CPS1: variants seen among roughly 807,000 people sequenced by gnomAD.
CPS1 encodes carbamoyl-phosphate synthase [ammonia], mitochondrial.
A neutral mutation model predicts 174.6 loss-of-function variants in CPS1; 109 were observed. The observed-to-expected ratio is 0.62, with a 90% CI of 0.53 to 0.73. The LOEUF is 0.73. CPS1 is among the 30% of genes least tolerant of loss of function. The probability of loss-of-function intolerance (pLI) is 0.00; values close to 1 mark genes in which losing one functional copy is unlikely to be tolerated. For synonymous variants in CPS1, 637 were observed against 632.0 expected (o/e 1.01, Z -0.12); for missense variants, 1,689 against 1,821.9 (o/e 0.93, Z 1.33).
chr2:210,532,326 G>T (rs1250633965), intron 1 of CPS1, among the ~76,000 whole-genome samples: 1 of 152,158 alleles, frequency 6.6e-6, no homozygotes. Context: ...GGAATGTGTT[G>T]CTTGGAATGT....
intron 1 of CPS1, among the ~76,000 whole-genome samples, chr2:210,478,747 A>G (rs1168894977): frequency 6.6e-6 from 1 of 152,196 alleles, no homozygotes; most frequent in Non-Finnish European, 1.5e-5. Flanking sequence ...TACCTCTTAT[A>G]TTTAAGTCTT....
chr2:210,515,494 T>C (rs1015677345), intron 1 of CPS1, among the ~76,000 whole-genome samples: 1 of 151,684 alleles, frequency 6.6e-6, no homozygotes, highest in Non-Finnish European at 1.5e-5. Context: ...TGTGTGTAGA[T>C]GTGTTCATAG....
chr2:210,500,549 C>T (rs912226503), intron 1 of CPS1, among the ~76,000 whole-genome samples: 20 of 152,242 alleles, frequency 1.3e-4, no homozygotes, highest in Middle Eastern at 6.8e-3. Flanking sequence ...CATGCAAGTC[C>T]GACATTCAAT....
chr2:210,634,938 T>C (rs1699999005), intron 21 of CPS1, among the ~76,000 whole-genome samples: 1 of 152,184 alleles, frequency 6.6e-6, no homozygotes, highest in Admixed American at 6.5e-5. Context: ...TTTATCTACA[T>C]AAAGTTGAAC....
intron 34 of CPS1, chr2:210,673,029 G>A (rs2105939425): frequency 6.6e-6 from 1 of 152,216 alleles, no homozygotes; most frequent in South Asian, 2.1e-4. Context: ...GATCACATGT[G>A]TTTTATTGTC....
At chr2:210,551,121 T>C (rs1696718793) in intron 1 of CPS1, among the ~76,000 whole-genome samples, 1 of 151,986 alleles carries the variant, frequency 6.6e-6, no homozygotes, top group South Asian at 2.1e-4. Context: ...TCTACAACTT[T>C]TATTTATTTA....
At chr2:210,598,637 T>C (rs1030255798) in intron 13 of CPS1, among the ~76,000 whole-genome samples, 2 of 151,750 alleles carry the variant, frequency 1.3e-5, no homozygotes, top group Non-Finnish European at 2.9e-5. Context: ...GTAATAGTAA[T>C]GGGTTCAATT....
chr2:210,604,410 T>C (rs1368310118), intron 16 of CPS1, among the ~76,000 whole-genome samples: 1 of 151,908 alleles, frequency 6.6e-6, no homozygotes, highest in Non-Finnish European at 1.5e-5. Flanking sequence ...AGATTACCAC[T>C]TTCCTATTTT....
At chr2:210,514,188 A>G (rs998986887) in intron 1 of CPS1, among the ~76,000 whole-genome samples, 1 of 151,928 alleles carries the variant, frequency 6.6e-6, no homozygotes, top group Non-Finnish European at 1.5e-5. Context: ...TTCCATATGA[A>G]TTGTAGAATA....
chr2:210,639,029 T>A (rs1249624978), intron 22 of CPS1, 121 bp from the exon 23 acceptor site: 3 of 748,174 alleles, frequency 4.0e-6, no homozygotes, highest in Middle Eastern at 3.7e-4. Flanking sequence ...TACATTTTCC[T>A]GTTTGCATAC....
chr2:210,666,443 G>A (rs1187070764), intron 33 of CPS1, among the ~76,000 whole-genome samples: 1 of 151,440 alleles, frequency 6.6e-6, no homozygotes, highest in Non-Finnish European at 1.5e-5. Context: ...TTTCTTCTAG[G>A]GTTTTTATGG....
At chr2:210,671,241 C>T (rs1701290528) in intron 34 of CPS1, among the ~76,000 whole-genome samples, 1 of 152,144 alleles carries the variant, frequency 6.6e-6, no homozygotes. Context: ...GACATCTGCG[C>T]TTCAGCATCG....
chr2:210,610,453 G>C (rs1211911695), intron 19 of CPS1, among the ~76,000 whole-genome samples: 2 of 151,900 alleles, frequency 1.3e-5, no homozygotes, highest in Non-Finnish European at 2.9e-5. Flanking sequence ...TACATTGTCT[G>C]CAGTTGGTAA....
chr2:210,505,310 C>T (rs368067422), intron 1 of CPS1, among the ~76,000 whole-genome samples: 5 of 151,462 alleles, frequency 3.3e-5, no homozygotes, highest in Admixed American at 3.3e-4. Context: ...ACTTTAGCAC[C>T]AACCTAATAT....
In CPS1 at chr2:210,602,395, T is replaced by C; in HGVS notation, c.1836+65T>C. On this transcript the variant is annotated intron_variant, in intron 16 of 37. Transcript: ENST00000233072. ...AACTGGCTTGATAGACCTTTTCAACTAGAGAAAGTTATGTAGATGAGAAAT... is the reference window on the plus strand; with the variant it reads ...AACTGGCTTGATAGACCTTTTCAACCAGAGAAAGTTATGTAGATGAGAAAT... 2.6e-6 allele frequency: 4 copies of C among 1,548,536 alleles called. No individual in the cohort carries two copies. In the South Asian group the frequency reaches 4.5e-5, roughly 17 times the overall value.
rs6728169 is a variant in CPS1, at chr2:210,678,220, A to T, written c.*235A>T. ...GATTTCATCCATTTACTAATACTGT[A>T]TTTTTGGTGGACTAGGCTTGCCTAT... On this transcript the variant is annotated 3_prime_UTR_variant, in exon 38 of 38. Coordinates refer to ENST00000233072, the MANE Select transcript of CPS1 (RefSeq NM_001875.5). 23 of 571,462 alleles carry T rather than the reference A, an allele frequency of 4.0e-5. No individual in the cohort carries two copies. The highest frequency in any genetic ancestry group is 6.7e-5 in the Non-Finnish European group (21 of 315,256). The allele number at this position is 571,462 out of a possible 1,614,324, so 35.4% of individuals were successfully genotyped here.
Position 210,594,585 on chromosome 2 carries a change from A to G in CPS1, c.1242A>G (p.Ala414=), listed in dbSNP as rs748923975. 1 of 1,611,188 alleles carries G rather than the reference A, an allele frequency of 6.2e-7. No individual in the cohort carries two copies. Among genetic ancestry groups the G allele is most frequent in the Non-Finnish European group, 8.5e-7 (1 of 1,178,166 alleles). Residue 414 remains alanine, a synonymous_variant, in exon 12 of 38, where the codon GCA becomes GCG. Transcript: ENST00000233072. ...TTITSVLPKP[A]LVASRVEVSK... ...TTACATCAGTCTTACCGAAGCCAGC[A>G]CTAGTTGCATCTCGGGTTGAGGTCA...
chr2:210,670,286 T>C (rs554516275), intron 34 of CPS1, among the ~76,000 whole-genome samples: 3 of 152,262 alleles, frequency 2.0e-5, no homozygotes, highest in Non-Finnish European at 4.4e-5. Context: ...GCAAAATTGA[T>C]CAGCTAATGC....
chr2:210,614,116 G>A (rs547495163), intron 20 of CPS1, among the ~76,000 whole-genome samples: 4 of 151,928 alleles, frequency 2.6e-5, no homozygotes, highest in South Asian at 2.1e-4. Context: ...GGGAGAATGC[G>A]GGGCATTATT....
Sources: gnomAD v4.1 joint callset for allele counts (sites outside exome capture counted in the v4.1 genomes callset) on GRCh38, gnomAD v4.1.1 for gene constraint, MANE v1.5 for transcripts, NCBI Gene and HGNC (gene_info 2026-07-23, HGNC 2026-07-21) for gene names.